The following CAAP1 variants were observed in gnomAD, a reference collection of about 807,000 sequenced individuals.
CAAP1 encodes the protein conserved anti-apoptotic protein.
In CAAP1, 20 loss-of-function variants were observed where a neutral mutation model predicts 34.0. The ratio of observed to expected loss-of-function variants is 0.59; its 90% CI spans 0.41 to 0.86. The LOEUF is 0.86. Among genes scored for constraint, CAAP1 ranks in the 40% least tolerant of loss-of-function variants. The pLI is 0.00. For synonymous variants in CAAP1, 213 were observed against 166.7 expected (o/e 1.28, Z -2.14); for missense variants, 538 against 450.5 (o/e 1.19, Z -1.76).
At chr9:26,874,484 C>T (rs10967578) in intron 4 of CAAP1, among the ~76,000 whole-genome samples, 23,597 of 152,078 alleles carry the variant, frequency 0.16, 2,550 homozygotes, top group East Asian at 0.58. Flanking sequence ...TCTTATCTAA[C>T]TATACTTTTG....
Position 26,873,663 on chromosome 9 carries a change from G to A in CAAP1, c.665+11147C>T, listed in dbSNP as rs146817514. Among the ~76,000 whole-genome samples the A allele has an allele frequency of 2.8e-3, 433 of 152,146 alleles. 5 individuals carry two copies. The highest frequency in any genetic ancestry group is 0.017 in the Middle Eastern group (5 of 294). ...AAAGCTTTTTTCCCAGCCCATCTCC[G>A]ATCAAAGACAACACTCTAATTCCAA... On this transcript the variant is annotated intron_variant, in intron 4 of 5. Transcript: ENST00000333916.
At chr9:26,857,038 C>T (rs1822886100) in intron 5 of CAAP1, among the ~76,000 whole-genome samples, 1 of 152,172 alleles carries the variant, frequency 6.6e-6, no homozygotes, top group East Asian at 1.9e-4. Context: ...TTAACATTAG[C>T]AGATACTTGA....
intron 4 of CAAP1, among the ~76,000 whole-genome samples, chr9:26,865,899 T>C (rs1456706947): frequency 2.6e-5 from 4 of 152,088 alleles, no homozygotes; most frequent in Non-Finnish European, 4.4e-5. Flanking sequence ...CAAGCTGGAG[T>C]GTAGTGGCAC....
chr9:26,880,975 C>T (rs557448719), intron 4 of CAAP1, among the ~76,000 whole-genome samples: 3 of 152,102 alleles, frequency 2.0e-5, no homozygotes, highest in African/African-American at 7.2e-5. Context: ...TGTGCCAAGC[C>T]CTCTCTTTCT....
intron 5 of CAAP1, among the ~76,000 whole-genome samples, chr9:26,855,052 C>T (rs903836619): frequency 2.0e-5 from 3 of 152,206 alleles, no homozygotes; most frequent in African/African-American, 7.2e-5. Flanking sequence ...AACCTGCACA[C>T]TATTTTATCC....
intron 4 of CAAP1, among the ~76,000 whole-genome samples, chr9:26,871,131 T>A (rs758099587): frequency 3.3e-5 from 5 of 152,206 alleles, no homozygotes; most frequent in African/African-American, 9.7e-5. Context: ...CTGAACACCA[T>A]TGACCCTCTG....
chr9:26,889,640 G>T (rs554047014), intron 1 of CAAP1, among the ~76,000 whole-genome samples: 3 of 150,992 alleles, frequency 2.0e-5, no homozygotes, highest in East Asian at 3.9e-4. Context: ...GGCTGAGGGG[G>T]GCAGATAACA....
chr9:26,855,590 C>T (rs1336991328), intron 5 of CAAP1, among the ~76,000 whole-genome samples: 1 of 151,706 alleles, frequency 6.6e-6, no homozygotes, highest in African/African-American at 2.4e-5. Flanking sequence ...CCTAAAGCTG[C>T]TACCAAAAAA....
intron 5 of CAAP1, among the ~76,000 whole-genome samples, chr9:26,850,823 T>C (rs1418285990): frequency 1.3e-5 from 2 of 152,346 alleles, no homozygotes; most frequent in East Asian, 3.9e-4. Context: ...TAGATTTAAG[T>C]GCATTAGGTT....
At chr9:26,873,859 T>G (rs570594411) in intron 4 of CAAP1, among the ~76,000 whole-genome samples, 1 of 152,282 alleles carries the variant, frequency 6.6e-6, no homozygotes, top group African/African-American at 2.4e-5. Context: ...GCTCATTTTC[T>G]TTTCCCTAAG....
intron 5 of CAAP1, among the ~76,000 whole-genome samples, chr9:26,855,281 A>C (rs1043204691): frequency 1.1e-4 from 16 of 152,212 alleles, no homozygotes; most frequent in African/African-American, 3.6e-4. Flanking sequence ...GACAAGCATA[A>C]CTATAGGGAC....
intron 4 of CAAP1, among the ~76,000 whole-genome samples, chr9:26,865,142 A>AT (rs1823103364): frequency 6.6e-6 from 1 of 152,206 alleles, no homozygotes; most frequent in Non-Finnish European, 1.5e-5. Flanking sequence ...ATTCAAATAT[A>AT]TATGTTTTCT....
chr9:26,882,770 G>A lies in CAAP1; in HGVS notation c.665+2040C>T, dbSNP rs569399094. 3.9e-3 allele frequency among the ~76,000 whole-genome samples: 588 copies of A among 152,310 alleles called. 1 individual carries two copies. The highest frequency in any genetic ancestry group is 7.1e-3 in the Non-Finnish European group (481 of 68,034). On this transcript the variant is annotated intron_variant, in intron 4 of 5. Transcript: ENST00000333916. The stretch of plus-strand genomic sequence containing the variant: ...AGCATGTGAAAGCAGCTAGGAGGGA[G>A]GCTGTACCCTACAAAGAAACAGGCG...
chr9:26,865,201 A>G (rs555267209), intron 4 of CAAP1, among the ~76,000 whole-genome samples: 1 of 152,286 alleles, frequency 6.6e-6, no homozygotes, highest in Non-Finnish European at 1.5e-5. Flanking sequence ...ATACCAATGA[A>G]TTTTTTAAGC....
intron 4 of CAAP1, chr9:26,880,059 A>T (rs1430438428): frequency 5.3e-6 from 1 of 190,104 alleles, no homozygotes; most frequent in Non-Finnish European, 1.1e-5. Flanking sequence ...TGGCAAAAAA[A>T]TAAGCTCAAA....
At chr9:26,892,364 T>G in intron 1 of CAAP1, 49 bp downstream of exon 1, 1 of 1,593,532 alleles carries the variant, frequency 6.3e-7, no homozygotes, top group Non-Finnish European at 8.5e-7. Context: ...CCCGACTTCT[T>G]CCGAAAAAGC....
intron 5 of CAAP1, among the ~76,000 whole-genome samples, chr9:26,855,695 G>T (rs1297923286): frequency 2.6e-5 from 4 of 152,178 alleles, no homozygotes; most frequent in Non-Finnish European, 4.4e-5. Context: ...ACTATGATGT[G>T]CTGTGTGTAA....
chr9:26,892,392 G>A (rs1298060443), intron 1 of CAAP1, 21 bp downstream of exon 1: 1 of 1,603,086 alleles, frequency 6.2e-7, no homozygotes, highest in Non-Finnish European at 8.5e-7. Flanking sequence ...CCAGGAAGCG[G>A]CCAGAGGGGC....
In CAAP1 at chr9:26,847,198, A is replaced by ATTTTTTTTTTTTTTTTTTTTTTTT. The variant is rs1171628621; in HGVS notation, c.740-4575_740-4552dup. Among the ~76,000 whole-genome samples, 2 of 34,750 alleles carry ATTTTTTTTTTTTTTTTTTTTTTTT rather than the reference A, an allele frequency of 5.8e-5. 1 individual carries two copies. Among genetic ancestry groups the ATTTTTTTTTTTTTTTTTTTTTTTT allele is most frequent in the Non-Finnish European group, 1.0e-4 (2 of 20,062 alleles). 22.8% of individuals were successfully genotyped at this position (34,750 alleles called of 152,430 possible). A position where few individuals can be genotyped will look rare whatever the true frequency, so the allele number is the denominator to read the frequency against. Reference sequence around the variant, plus strand: ...TTTTTACTAGTAAGTAAAAAGCAATATTTTTTTTTTTTTTTTTTTTTTTTT... The same window carrying ATTTTTTTTTTTTTTTTTTTTTTTT: ...TTTTTACTAGTAAGTAAAAAGCAATATTTTTTTTTTTTTTTTTTTTTTTTTTTTTTTTTTTTTTTTTTTTTTTTT... On this transcript the variant is annotated intron_variant, in intron 5 of 5. Transcript: ENST00000333916.
Sources: gnomAD v4.1 joint callset for allele counts (sites outside exome capture counted in the v4.1 genomes callset) on GRCh38, gnomAD v4.1.1 for gene constraint, MANE v1.5 for transcripts, NCBI Gene and HGNC (gene_info 2026-07-23, HGNC 2026-07-21) for gene names.